PLCB1: variants seen among roughly 807,000 people sequenced by gnomAD.
The protein encoded by PLCB1 is 1-phosphatidylinositol 4,5-bisphosphate phosphodiesterase beta-1.
In PLCB1, 46 loss-of-function variants were observed where a neutral mutation model predicts 161.8. The ratio of observed to expected loss-of-function variants is 0.28; its 90% confidence interval spans 0.22 to 0.36. The LOEUF (loss-of-function observed/expected upper bound fraction) is 0.36, where lower values mean the gene tolerates loss of function less well. PLCB1 is among the 10% of genes least tolerant of loss of function. The pLI, the probability that PLCB1 is intolerant of heterozygous loss-of-function variation, is 1.00. For missense variants in PLCB1, 1,016 were observed against 1,472.5 expected (o/e 0.69, Z 5.07); for synonymous variants, 517 against 503.7 (o/e 1.03, Z -0.35).
chr20:8,658,823 C>T lies in PLCB1; in HGVS notation c.862+119C>T, dbSNP rs531076296. On this transcript the variant is annotated intron_variant, in intron 9 of 31. Transcript: ENST00000338037. ...AGTTTCCTCTGTTTACAAGGCATTC[C>T]TTTCGGTCTGAAATCACTTGGTGGT... 4 of 825,126 alleles carry T rather than the reference C, an allele frequency of 4.8e-6. No individual in the cohort carries two copies. In the African/African-American group the frequency reaches 7.1e-5, roughly 15 times the overall value. 51.1% of individuals were successfully genotyped at this position (825,126 alleles called of 1,614,324 possible). A position where few individuals can be genotyped will look rare whatever the true frequency, so the allele number is the denominator to read the frequency against.
At chr20:8,307,936 A>C (rs1379952343) in intron 2 of PLCB1, among the ~76,000 whole-genome samples, 1 of 151,938 alleles carries the variant, frequency 6.6e-6, no homozygotes, top group South Asian at 2.1e-4. Context: ...ACAAACAAAC[A>C]AACAAACAAA....
Position 8,524,887 on chromosome 20 carries a change from G to A in PLCB1, c.247-103407G>A, listed in dbSNP as rs1311512766. Reference sequence around the variant, plus strand: ...CTGTAGGGGTGAGATGTAGGAGAGGGAGGGAGCGTCTGTGTACTGCCACAG... The same window carrying A: ...CTGTAGGGGTGAGATGTAGGAGAGGAAGGGAGCGTCTGTGTACTGCCACAG... On this transcript the variant is annotated intron_variant, in intron 3 of 31. Coordinates refer to ENST00000338037, the MANE Select transcript of PLCB1 (RefSeq NM_015192.4). Among the ~76,000 whole-genome samples the A allele has an allele frequency of 3.3e-5, 5 of 152,282 alleles. 1 individual carries two copies. In the South Asian group the frequency reaches 1.0e-3, roughly 32 times the overall value.
intron 31 of PLCB1, among the ~76,000 whole-genome samples, chr20:8,806,962 G>T (rs548080937): frequency 6.6e-6 from 1 of 152,246 alleles, no homozygotes; most frequent in Admixed American, 6.5e-5. Flanking sequence ...AATTATGAAA[G>T]ACTTAAGCAG....
chr20:8,459,475 G>A (rs1981474851), intron 3 of PLCB1, among the ~76,000 whole-genome samples: 1 of 152,146 alleles, frequency 6.6e-6, no homozygotes, highest in South Asian at 2.1e-4. Context: ...AGTCACCTGA[G>A]TTTTTCACAT....
In PLCB1 at chr20:8,882,022, C is replaced by T. The variant is rs1284918198; in HGVS notation, c.*173C>T. On this transcript the variant is annotated 3_prime_UTR_variant, in exon 32 of 32. Transcript: ENST00000338037. ...CATGAAGAATTCCCATGCCCAGGCT[C>T]CATGTGTCATGTGGAAACCTCCACA... The T allele has an allele frequency of 1.5e-5, 9 of 597,220 alleles. No individual in the cohort carries two copies. In the East Asian group the frequency reaches 2.5e-4, roughly 17 times the overall value. The allele number at this position is 597,220 out of a possible 1,614,324, so 37.0% of individuals were successfully genotyped here.
At chr20:8,644,207 C>G (rs867012496) in intron 4 of PLCB1, among the ~76,000 whole-genome samples, 8,400 of 152,100 alleles carry the variant, frequency 0.055, 664 homozygotes, top group African/African-American at 0.19. Flanking sequence ...AGCCTCTGCC[C>G]GGCCACCACC....
intron 3 of PLCB1, among the ~76,000 whole-genome samples, chr20:8,419,850 T>C (rs1979464991): frequency 6.6e-6 from 1 of 152,158 alleles, no homozygotes; most frequent in Non-Finnish European, 1.5e-5. Context: ...CATCCAATCT[T>C]CTTATAAAGT....
intron 9 of PLCB1, among the ~76,000 whole-genome samples, chr20:8,671,044 C>A (rs974394626): frequency 6.6e-6 from 1 of 152,170 alleles, no homozygotes; most frequent in East Asian, 1.9e-4. Flanking sequence ...GGATTCTCAA[C>A]CACCTAATCC....
chr20:8,264,092 T>C (rs543081172), intron 2 of PLCB1, among the ~76,000 whole-genome samples: 1 of 152,320 alleles, frequency 6.6e-6, no homozygotes, highest in East Asian at 1.9e-4. Context: ...TGTACAAAAA[T>C]ATTTTATTTC....
intron 3 of PLCB1, among the ~76,000 whole-genome samples, chr20:8,421,534 C>T (rs949104148): frequency 6.6e-6 from 1 of 152,038 alleles, no homozygotes; most frequent in African/African-American, 2.4e-5. Flanking sequence ...ATTTGTGAAA[C>T]CTCATATGTC....
At chr20:8,333,522 C>T (rs1427800265) in intron 2 of PLCB1, among the ~76,000 whole-genome samples, 2 of 152,118 alleles carry the variant, frequency 1.3e-5, no homozygotes, top group African/African-American at 4.8e-5. Flanking sequence ...CTCCAAGGAA[C>T]ATTTGGCAAT....
At chr20:8,461,399 G>GAA in intron 3 of PLCB1, among the ~76,000 whole-genome samples, 1 of 152,154 alleles carries the variant, frequency 6.6e-6, no homozygotes, top group Non-Finnish European at 1.5e-5. Context: ...TTTCTGACAA[G>GAA]TCACTTAATC....
At chr20:8,224,110 A>G (rs1032363346) in intron 2 of PLCB1, among the ~76,000 whole-genome samples, 2 of 152,216 alleles carry the variant, frequency 1.3e-5, no homozygotes, top group African/African-American at 4.8e-5. Context: ...TAATTTGCAC[A>G]TTTGTTGGGT....
At chr20:8,539,110 CT>C (rs1298343942) in intron 3 of PLCB1, among the ~76,000 whole-genome samples, 1 of 152,110 alleles carries the variant, frequency 6.6e-6, no homozygotes, top group East Asian at 1.9e-4. Context: ...TTAACTACCC[CT>C]CTCCTTAAAA....
intron 9 of PLCB1, among the ~76,000 whole-genome samples, chr20:8,663,261 C>G (rs1989731068): frequency 1.3e-5 from 2 of 151,810 alleles, no homozygotes; most frequent in Admixed American, 6.6e-5. Context: ...GAGACACACA[C>G]ACAGTCTCTG....
At chr20:8,434,858 C>T (rs2122590648) in intron 3 of PLCB1, among the ~76,000 whole-genome samples, 1 of 152,230 alleles carries the variant, frequency 6.6e-6, no homozygotes, top group South Asian at 2.1e-4. Flanking sequence ...TTTTCTAAGG[C>T]AGGGCCTGGT....
intron 2 of PLCB1, among the ~76,000 whole-genome samples, chr20:8,297,836 A>C (rs1210640700): frequency 6.6e-6 from 1 of 151,560 alleles, no homozygotes; most frequent in East Asian, 1.9e-4. Context: ...GCCACCTTCA[A>C]TTCTAAACCT....
At chr20:8,516,584 A>G (rs1185696800) in intron 3 of PLCB1, among the ~76,000 whole-genome samples, 1 of 150,608 alleles carries the variant, frequency 6.6e-6, no homozygotes, top group Non-Finnish European at 1.5e-5. Context: ...AAATAGCCAC[A>G]GTCTTATTTA....
At chr20:8,879,598 A>T (rs1987901249) in intron 31 of PLCB1, among the ~76,000 whole-genome samples, 1 of 138,468 alleles carries the variant, frequency 7.2e-6, no homozygotes, top group African/African-American at 2.7e-5. Flanking sequence ...AATTTGCCAG[A>T]AAAAGAAAAA....
Sources: allele counts gnomAD v4.1 joint callset (sites outside exome capture counted in the v4.1 genomes callset), GRCh38; gene constraint gnomAD v4.1.1; transcripts MANE v1.5; gene names NCBI Gene and HGNC (gene_info 2026-07-23, HGNC 2026-07-21).